Variants in OR2T12 observed in about 807,000 individuals in gnomAD.
OR2T12 encodes the protein olfactory receptor 2T12.
For missense variants in OR2T12, 335 were observed against 404.3 expected (o/e 0.83, Z 1.47); for synonymous variants, 127 against 160.5 (o/e 0.79, Z 1.58).
In OR2T12 at chr1:248,294,680, T is replaced by A; in HGVS notation, c.899A>T (p.Lys300Ile). 6.2e-7 allele frequency: 1 copy of A among 1,614,070 alleles called. No homozygotes were observed. The highest frequency in any genetic ancestry group is 8.5e-7 in the Non-Finnish European group (1 of 1,180,016). The change falls in exon 3 of 3, where the codon AAA becomes ATA. Residue 300 changes from lysine to isoleucine, a missense_variant. Lys to Ile is a moderately radical substitution (Grantham distance 102). Coordinates refer to ENST00000641276, the MANE Select transcript of OR2T12 (RefSeq NM_001004692.2). ...VRNSEVKEAL[K>I]RWLGTCVNLK... ...GTTTACACACGTCCCCAGCCACCGT[T>A]TCAGGGCTTCCTTGACCTCACTGTT... is the stretch of plus-strand genomic sequence containing the variant.
At chr1:248,296,589 A>G (rs1659732069) in intron 2 of OR2T12, among the ~76,000 whole-genome samples, 1 of 151,996 alleles carries the variant, frequency 6.6e-6, no homozygotes. Flanking sequence ...TTTGATTTGC[A>G]TTTCTCTGAT....
chr1:248,294,807 T>C lies in OR2T12; in HGVS notation c.772A>G (p.Met258Val), dbSNP rs560039503. 7.4e-6 allele frequency: 12 copies of C among 1,613,646 alleles called. No individual in the cohort carries two copies. In the Admixed American group the frequency reaches 8.3e-5, roughly 11 times the overall value. ...GTGGACCTGTGGGATTTGGGTCTCA[T>C]ATAGGTAAAAATGCCAGCTCCATAA... ...LFYGAGIFTY[M>V]RPKSHRSTNH... The change falls in exon 3 of 3, where the codon ATG becomes GTG. Residue 258 changes from methionine to valine, a missense_variant. Transcript: ENST00000641276.
In OR2T12 at chr1:248,295,228, G is replaced by C. The variant is rs552241450; in HGVS notation, c.351C>G (p.Ala117=). 8.1e-4 allele frequency: 1,308 copies of C among 1,609,460 alleles called. 18 individuals carry two copies. In the South Asian group the frequency reaches 0.013, roughly 17 times the overall value. ...GGECFLLAAM[A]YDRYAAVCHP... is the part of the protein sequence containing the mutation. The stretch of plus-strand genomic sequence containing the variant: ...GGCAGACAGCCGCATAGCGGTCATA[G>C]GCCATGGCTGCTAAGAGGAAGCACT... Residue 117 remains alanine (A), a synonymous_variant, in exon 3 of 3, where the codon GCC becomes GCG. Coordinates refer to ENST00000641276, the MANE Select transcript of OR2T12 (RefSeq NM_001004692.2).
At chr1:248,296,809 G>A (rs1233368010) in intron 2 of OR2T12, among the ~76,000 whole-genome samples, 1 of 152,074 alleles carries the variant, frequency 6.6e-6, no homozygotes, top group Non-Finnish European at 1.5e-5. Flanking sequence ...TGGGTTGCCT[G>A]TCACTCTGAT....
At position 248,294,335 on chromosome 1, in the gene OR2T12, C is replaced by G. The variant is rs147257140; in HGVS notation, c.*281G>C. ...TATTTTTGATGAAAAATTTGGGACACCTTTTAAAGATTTGGAGTTTGCAAA... is the reference window on the plus strand; with the variant it reads ...TATTTTTGATGAAAAATTTGGGACAGCTTTTAAAGATTTGGAGTTTGCAAA... On this transcript the variant is annotated 3_prime_UTR_variant, in exon 3 of 3. Transcript: ENST00000641276. 3.0e-5 allele frequency: 9 copies of G among 295,422 alleles called. No homozygotes were observed. In the East Asian group the frequency reaches 6.3e-4, roughly 21 times the overall value. The allele number at this position is 295,422 out of a possible 1,614,324, so 18.3% of individuals were successfully genotyped here. A position where few individuals can be genotyped will look rare whatever the true frequency, so the allele number is the denominator to read the frequency against.
At position 248,295,214 on chromosome 1, in the gene OR2T12, G is replaced by A. The variant is rs1461123604; in HGVS notation, c.365C>T (p.Ala122Val). 5.6e-6 allele frequency: 9 copies of A among 1,609,466 alleles called. No homozygotes were observed. Among genetic ancestry groups the A allele is most frequent in the East Asian group, 4.5e-5 (2 of 44,842 alleles). Reference sequence around the variant, plus strand: ...ATATCGGAGTGGGTGGCAGACAGCCGCATAGCGGTCATAGGCCATGGCTGC... The same window carrying A: ...ATATCGGAGTGGGTGGCAGACAGCCACATAGCGGTCATAGGCCATGGCTGC... ...LLAAMAYDRYAAVCHPLRYPT... is the reference protein window; with the variant it reads ...LLAAMAYDRYVAVCHPLRYPT... The change falls in exon 3 of 3, where the codon GCG becomes GTG. Residue 122 changes from alanine to valine, a missense_variant. By Grantham distance (64) the Ala-to-Val change is moderately conservative. Transcript: ENST00000641276.
rs183269500 is a variant in OR2T12 at position 248,290,935 on chromosome 1, T to C, written c.*3681A>G. 64 of 152,244 alleles carry C rather than the reference T, an allele frequency of 4.2e-4. 1 individual carries two copies. Among genetic ancestry groups the C allele is most frequent in the African/African-American group, 1.5e-3 (61 of 41,564 alleles). 9.4% of individuals were successfully genotyped at this position (152,244 alleles called of 1,614,324 possible). ...GATGATGAGCTTTTTTTCATATATT[T>C]CTTGGCCACATAAATGTCTTCGTTT... On this transcript the variant is annotated 3_prime_UTR_variant, in exon 3 of 3. Coordinates refer to ENST00000641276, the MANE Select transcript of OR2T12 (RefSeq NM_001004692.2).
intron 2 of OR2T12, among the ~76,000 whole-genome samples, chr1:248,299,541 C>T (rs1659783626): frequency 6.6e-6 from 1 of 152,062 alleles, no homozygotes; most frequent in South Asian, 2.1e-4. Flanking sequence ...TAAAGCAAAT[C>T]CTGAGTGACC....
At position 248,295,305 on chromosome 1, in the gene OR2T12, G is replaced by C. The variant is rs113224032; in HGVS notation, c.274C>G (p.Arg92Gly). ...AAGATCTGCACACCACAGCCAGCGC[G>C]GGAGATGGCCTTATTTCCGGTCAAG... ...DYLTGNKAIS[R>G]AGCGVQIFFL... Residue 92 changes from arginine (R) to glycine (G), a missense_variant, in exon 3 of 3, where the codon CGC becomes GGC. Coordinates refer to ENST00000641276, the MANE Select transcript of OR2T12 (RefSeq NM_001004692.2). The C allele has an allele frequency of 8.1e-6, 13 of 1,608,540 alleles. No individual in the cohort carries two copies. The East Asian group carries it at 1.8e-4, about 22-fold the overall frequency.
intron 2 of OR2T12, among the ~76,000 whole-genome samples, chr1:248,298,983 G>A (rs1485336092): frequency 1.3e-5 from 2 of 152,116 alleles, no homozygotes; most frequent in African/African-American, 2.4e-5. Flanking sequence ...ACAAGCAAAT[G>A]CTGACAGATT....
Position 248,291,591 on chromosome 1 carries a change from T to A in OR2T12, c.*3025A>T, listed in dbSNP as rs1328327780. On this transcript the variant is annotated 3_prime_UTR_variant, in exon 3 of 3. Transcript: ENST00000641276. ...CTTCACAGAATTAGAAAAAAATACT[T>A]TAAATTTCATATGGAATCAATAAAG... is the stretch of plus-strand genomic sequence containing the variant. 6.6e-6 allele frequency: 1 copy of A among 152,084 alleles called. No homozygotes were observed. The highest frequency in any genetic ancestry group is 1.5e-5 in the Non-Finnish European group (1 of 68,026). 9.4% of individuals were successfully genotyped at this position (152,084 alleles called of 1,614,324 possible).
At chr1:248,301,336 CTAAG>C (rs1659808772) in intron 2 of OR2T12, 33 bp downstream of exon 2, 1 of 152,064 alleles carries the variant, frequency 6.6e-6, no homozygotes, top group South Asian at 2.1e-4. Context: ...GACATTCCTT[CTAAG>C]TAAGTAAGAT....
rs1262404921 is a variant in OR2T12 at position 248,292,970 on chromosome 1, A to AT, written c.*1645dup. 1 of 152,106 alleles carries AT rather than the reference A, an allele frequency of 6.6e-6. No individual in the cohort carries two copies. Among genetic ancestry groups the AT allele is most frequent in the African/African-American group, 2.4e-5 (1 of 41,446 alleles). 9.4% of individuals were successfully genotyped at this position (152,106 alleles called of 1,614,324 possible). A position where few individuals can be genotyped will look rare whatever the true frequency, so the allele number is the denominator to read the frequency against. Reference sequence around the variant, plus strand: ...TAATTTTCACCCATTCTAAGAGAAGATTTTTTAGATGGTATAATGACAGAA... The same window carrying AT: ...TAATTTTCACCCATTCTAAGAGAAGATTTTTTTAGATGGTATAATGACAGAA... On this transcript the variant is annotated 3_prime_UTR_variant, in exon 3 of 3. Transcript: ENST00000641276.
chr1:248,297,124 T>A (rs1034529126), intron 2 of OR2T12, among the ~76,000 whole-genome samples: 6 of 152,084 alleles, frequency 3.9e-5, no homozygotes, highest in Admixed American at 2.0e-4. Flanking sequence ...CTCTCCCCAT[T>A]GCTTGTTTTT....
intron 2 of OR2T12, among the ~76,000 whole-genome samples, chr1:248,295,887 G>A (rs888138094): frequency 1.3e-5 from 2 of 151,876 alleles, no homozygotes; most frequent in African/African-American, 4.8e-5. Flanking sequence ...AAGTTTTAGG[G>A]TACATGTGCA....
At chr1:248,296,853 T>A (rs937373368) in intron 2 of OR2T12, among the ~76,000 whole-genome samples, 20 of 152,360 alleles carry the variant, frequency 1.3e-4, no homozygotes, top group Non-Finnish European at 2.2e-4. Flanking sequence ...AGCTCTTTAG[T>A]TTACTTAGAT....
chr1:248,296,062 T>A (rs1056986812), intron 2 of OR2T12, among the ~76,000 whole-genome samples: 2 of 144,126 alleles, frequency 1.4e-5, no homozygotes, highest in Non-Finnish European at 3.0e-5. Context: ...TGTCCATGTG[T>A]TCTCATTGTT....
rs1416310546 is a variant in OR2T12 at position 248,291,385 on chromosome 1, A to T, written c.*3231T>A. 1 of 152,156 alleles carries T rather than the reference A, an allele frequency of 6.6e-6. No individual in the cohort carries two copies. Among genetic ancestry groups the T allele is most frequent in the Non-Finnish European group, 1.5e-5 (1 of 68,026 alleles). 9.4% of individuals were successfully genotyped at this position (152,156 alleles called of 1,614,324 possible). ...CACCTAGGAATACAACTTATAAAGG[A>T]TATGAAGGACCTCTTCAAGGAGAAC... On this transcript the variant is annotated 3_prime_UTR_variant, in exon 3 of 3. Coordinates refer to ENST00000641276, the MANE Select transcript of OR2T12 (RefSeq NM_001004692.2).
intron 2 of OR2T12, among the ~76,000 whole-genome samples, chr1:248,296,363 T>A (rs1378560875): frequency 6.6e-6 from 1 of 152,230 alleles, no homozygotes; most frequent in Non-Finnish European, 1.5e-5. Context: ...CCTTTGGGTA[T>A]ATACCCAGTA....
Sources: allele counts gnomAD v4.1 joint callset (sites outside exome capture counted in the v4.1 genomes callset), GRCh38; gene constraint gnomAD v4.1.1; transcripts MANE v1.5; gene names NCBI Gene and HGNC (gene_info 2026-07-23, HGNC 2026-07-21).